SRGAP1: variants seen among roughly 807,000 people sequenced by gnomAD.
SRGAP1 encodes the protein SLIT-ROBO Rho GTPase activating protein 1, also known as SLIT-ROBO Rho GTPase-activating protein 1.
A neutral mutation model predicts 121.9 loss-of-function variants in SRGAP1; 43 were observed. That is an observed-to-expected ratio of 0.35 (90% confidence interval 0.28 to 0.46). SRGAP1 has a LOEUF of 0.46. Ranked by LOEUF, SRGAP1 falls within the 20% of genes least tolerant of loss-of-function variation. The probability of loss-of-function intolerance (pLI) is 1.00; values close to 1 mark genes in which losing one functional copy is unlikely to be tolerated. For synonymous variants in SRGAP1, 447 were observed against 485.4 expected, an observed-to-expected ratio of 0.92 and a Z score of 1.04; for missense variants, 1,102 against 1,350.9, an observed-to-expected ratio of 0.82 and a Z score of 2.89.
chr12:63,924,241 C>T (rs1167353623), intron 1 of SRGAP1, among the ~76,000 whole-genome samples: 1 of 152,174 alleles, frequency 6.6e-6, no homozygotes, highest in Non-Finnish European at 1.5e-5. Flanking sequence ...ATTAATTTTA[C>T]TTCAGAGGTT....
chr12:63,919,527 T>TATATATATATATATATATATATATAC (rs1238483459), intron 1 of SRGAP1, among the ~76,000 whole-genome samples: 1 of 146,378 alleles, frequency 6.8e-6, no homozygotes, highest in African/African-American at 2.7e-5. Flanking sequence ...TATATACACA[T>TATATATATATATATATATATATATAC]ACACACACAC....
chr12:64,079,109 A>G lies in SRGAP1; in HGVS notation c.1316A>G (p.Tyr439Cys), dbSNP rs777173697. The G allele has an allele frequency of 6.2e-7, 1 of 1,611,904 alleles. No homozygotes were observed. The highest frequency in any genetic ancestry group is 1.1e-5 in the South Asian group (1 of 90,906). ...AACCAGCAGGAAACTGAACAGTTCT[A>G]CTTCATGGTGTGCCCGCCACTTCCC... ...RANQQETEQF[Y>C]FMKLREYLEG... The change falls in exon 9 of 22, where the codon TAC becomes TGC. Residue 439 changes from tyrosine to cysteine, a missense_variant. Tyr to Cys is a radical substitution (Grantham distance 194). Coordinates refer to ENST00000355086, the MANE Select transcript of SRGAP1 (RefSeq NM_020762.4).
intron 3 of SRGAP1, among the ~76,000 whole-genome samples, chr12:63,997,611 G>C (rs2033749151): frequency 6.6e-6 from 1 of 152,070 alleles, no homozygotes; most frequent in African/African-American, 2.4e-5. Flanking sequence ...TGAACAAGTT[G>C]TATAATAAAA....
At chr12:64,028,410 C>T (rs898734165) in intron 4 of SRGAP1, among the ~76,000 whole-genome samples, 1 of 152,242 alleles carries the variant, frequency 6.6e-6, no homozygotes, top group African/African-American at 2.4e-5. Context: ...AAAACCATCC[C>T]TCGGCTCCCC....
At chr12:63,949,537 C>T (rs754841616) in intron 1 of SRGAP1, among the ~76,000 whole-genome samples, 2 of 151,374 alleles carry the variant, frequency 1.3e-5, no homozygotes, top group Non-Finnish European at 2.9e-5. Context: ...GCGCCATTCT[C>T]CTGCCTCAGC....
intron 1 of SRGAP1, among the ~76,000 whole-genome samples, chr12:63,924,072 T>C (rs1275910147): frequency 6.6e-6 from 1 of 151,524 alleles, no homozygotes; most frequent in Non-Finnish European, 1.5e-5. Context: ...ACCTGGGAGG[T>C]GGAGGTTGCA....
chr12:64,056,124 A>G (rs1443366534), intron 6 of SRGAP1, among the ~76,000 whole-genome samples: 1 of 152,164 alleles, frequency 6.6e-6, no homozygotes, highest in Non-Finnish European at 1.5e-5. Context: ...GCTAAAAACC[A>G]GTTCTCTTGT....
chr12:63,919,114 G>A (rs1353234652), intron 1 of SRGAP1, among the ~76,000 whole-genome samples: 2 of 152,110 alleles, frequency 1.3e-5, no homozygotes, highest in African/African-American at 2.4e-5. Context: ...GTGCAGTGGT[G>A]TAATCTCAGC....
intron 1 of SRGAP1, among the ~76,000 whole-genome samples, chr12:63,972,687 A>G (rs1247787714): frequency 2.6e-5 from 4 of 152,266 alleles, no homozygotes; most frequent in Admixed American, 6.5e-5. Context: ...TATGTTAATT[A>G]GAACATAATA....
chr12:64,077,379 G>C (rs1203891705), intron 8 of SRGAP1, among the ~76,000 whole-genome samples: 1 of 151,576 alleles, frequency 6.6e-6, no homozygotes, highest in African/African-American at 2.4e-5. Flanking sequence ...TAAAATATAA[G>C]CACTCGACAT....
intron 1 of SRGAP1, among the ~76,000 whole-genome samples, chr12:63,976,820 A>G (rs778151638): frequency 1.3e-5 from 2 of 152,040 alleles, no homozygotes; most frequent in Non-Finnish European, 2.9e-5. Context: ...TGTAACTCCA[A>G]TCTGGGTCCA....
chr12:64,060,777 C>G (rs1002532032), intron 6 of SRGAP1, among the ~76,000 whole-genome samples: 1 of 152,116 alleles, frequency 6.6e-6, no homozygotes, highest in Non-Finnish European at 1.5e-5. Flanking sequence ...ATCCTTTGTA[C>G]AAAAGTTGCT....
At chr12:64,038,527 T>G (rs966453503) in intron 4 of SRGAP1, 1 of 152,176 alleles carries the variant, frequency 6.6e-6, no homozygotes, top group African/African-American at 2.4e-5. Context: ...ACACATATAG[T>G]TTTCAGATAT....
At chr12:64,066,731 G>T (rs895384106) in intron 8 of SRGAP1, among the ~76,000 whole-genome samples, 1 of 152,166 alleles carries the variant, frequency 6.6e-6, no homozygotes, top group African/African-American at 2.4e-5. Context: ...TCATCTCTAT[G>T]TAGGGTCCCA....
chr12:63,976,325 T>G (rs567604367), intron 1 of SRGAP1, among the ~76,000 whole-genome samples: 4 of 152,270 alleles, frequency 2.6e-5, no homozygotes, highest in Non-Finnish European at 5.9e-5. Context: ...GTACTTGTTA[T>G]AACTCTCCTT....
At chr12:63,871,625 T>G in intron 1 of SRGAP1, 2 of 540,212 alleles carry the variant, frequency 3.7e-6, no homozygotes, top group South Asian at 2.4e-5. Flanking sequence ...AGGTTGGGAG[T>G]TTTTCTTTTT....
chr12:63,922,341 C>T (rs2031091589), intron 1 of SRGAP1, among the ~76,000 whole-genome samples: 1 of 152,142 alleles, frequency 6.6e-6, no homozygotes. Flanking sequence ...AATTTTGGGG[C>T]AGGAACTCTA....
Position 63,866,475 on chromosome 12 carries a change from T to C in SRGAP1, c.67+21592T>C, listed in dbSNP as rs149838094. Among the ~76,000 whole-genome samples, 277 of 152,304 alleles carry C rather than the reference T, an allele frequency of 1.8e-3. 5 individuals are homozygous for C. The highest frequency in any genetic ancestry group is 6.2e-4 in the South Asian group (3 of 4,820). ...TATAAAATAAAAAGCAAGTAATAAG[T>C]CATTAGCAAGAAAACATAAAGTGAG... On this transcript the variant is annotated intron_variant, in intron 1 of 21. Coordinates refer to ENST00000355086, the MANE Select transcript of SRGAP1 (RefSeq NM_020762.4).
chr12:63,939,967 C>CTT (rs564072689), intron 1 of SRGAP1, among the ~76,000 whole-genome samples: 6 of 148,308 alleles, frequency 4.0e-5, no homozygotes, highest in Non-Finnish European at 7.5e-5. Flanking sequence ...CTTTTCTTTT[C>CTT]TTTTTTTTTT....
Sources: allele counts gnomAD v4.1 joint callset (sites outside exome capture counted in the v4.1 genomes callset), GRCh38; gene constraint gnomAD v4.1.1; transcripts MANE v1.5; gene names NCBI Gene and HGNC (gene_info 2026-07-23, HGNC 2026-07-21).